Variants in DDX4 observed in about 807,000 individuals in gnomAD.
DDX4 encodes the protein probable ATP-dependent RNA helicase DDX4.
A neutral mutation model predicts 100.0 loss-of-function variants in DDX4; 25 were observed. That is an observed-to-expected ratio of 0.25 (90% CI 0.18 to 0.35). The LOEUF is 0.35. DDX4 is among the 10% of genes least tolerant of loss of function. The pLI, the probability that DDX4 is intolerant of heterozygous loss-of-function variation, is 1.00. For missense variants in DDX4, 635 were observed against 882.4 expected (o/e 0.72, Z 3.55); for synonymous variants, 259 against 275.7 (o/e 0.94, Z 0.60).
chr5:55,785,708 G>A (rs772260720), intron 12 of DDX4, 21 bp from the exon 13 acceptor site: 1 of 1,600,744 alleles, frequency 6.2e-7, no homozygotes, highest in Admixed American at 1.7e-5. Context: ...CGTACATTAT[G>A]TTTTTAATTT....
chr5:55,753,206 A>G (rs1207798162), intron 3 of DDX4, among the ~76,000 whole-genome samples: 1 of 151,888 alleles, frequency 6.6e-6, no homozygotes, highest in Non-Finnish European at 1.5e-5. Flanking sequence ...CCATTTGTCA[A>G]TTTTGTCTTT....
intron 18 of DDX4, among the ~76,000 whole-genome samples, chr5:55,810,262 G>A (rs1365559463): frequency 2.0e-5 from 3 of 152,088 alleles, no homozygotes; most frequent in African/African-American, 7.2e-5. Context: ...CTGCCATCAC[G>A]CCTGGCTAAT....
At chr5:55,796,538 A>G (rs1019692886) in intron 17 of DDX4, among the ~76,000 whole-genome samples, 15 of 152,288 alleles carry the variant, frequency 9.8e-5, no homozygotes, top group Middle Eastern at 3.4e-3. Context: ...AAACCTTCCC[A>G]TATCTTTCCA....
chr5:55,813,812 T>TCTA (rs747018131), intron 19 of DDX4, 40 bp downstream of exon 19: 3 of 1,509,808 alleles, frequency 2.0e-6, no homozygotes, highest in Non-Finnish European at 2.6e-6. Flanking sequence ...GGGAATGACT[T>TCTA]CTATTTGGTA....
At chr5:55,801,347 C>T (rs59246081) in intron 18 of DDX4, among the ~76,000 whole-genome samples, 10,456 of 151,722 alleles carry the variant, frequency 0.069, 558 homozygotes, top group African/African-American at 0.15. Flanking sequence ...AAAGATTGGA[C>T]ACCCCTGGTT....
At chr5:55,783,445 TGGAACAAC>T (rs1283441477) in intron 10 of DDX4, among the ~76,000 whole-genome samples, 200 of 152,186 alleles carry the variant, frequency 1.3e-3, no homozygotes, top group Non-Finnish European at 2.3e-3. Context: ...TACCTAAAAG[TGGAACAAC>T]AGATTACTCG....
In DDX4 at chr5:55,816,778, TTTC is replaced by T. The variant is rs1247102137; in HGVS notation, c.*241_*243del. On this transcript the variant is annotated 3_prime_UTR_variant, in exon 22 of 22. Coordinates refer to ENST00000505374, the MANE Select transcript of DDX4 (RefSeq NM_024415.3). ...GGAATATTAAAGCATTCTAAATGTCTTTCTTATTTCTGGTATATTCTTTAGGGG... is the reference window on the plus strand; with the variant it reads ...GGAATATTAAAGCATTCTAAATGTCTTTATTTCTGGTATATTCTTTAGGGG... 3 of 562,278 alleles carry T rather than the reference TTTC, an allele frequency of 5.3e-6. No individual in the cohort carries two copies. The highest frequency in any genetic ancestry group is 8.2e-6 in the Non-Finnish European group (3 of 364,014). The allele number at this position is 562,278 out of a possible 1,614,324, so 34.8% of individuals were successfully genotyped here. A position where few individuals can be genotyped will look rare whatever the true frequency, so the allele number is the denominator to read the frequency against.
At chr5:55,767,830 G>T in intron 6 of DDX4, 51 bp from the exon 7 acceptor site, 1 of 1,362,338 alleles carries the variant, frequency 7.3e-7, no homozygotes. Context: ...TTTATATATT[G>T]CATCATTTAA....
chr5:55,786,791 A>G, intron 14 of DDX4, 121 bp downstream of exon 14: 1 of 749,504 alleles, frequency 1.3e-6, no homozygotes, highest in Middle Eastern at 2.4e-4. Context: ...TGTCATAAGT[A>G]TTGATGGTTT....
intron 10 of DDX4, among the ~76,000 whole-genome samples, 183 bp from the exon 11 acceptor site, chr5:55,785,114 A>C (rs1321083769): frequency 4.6e-5 from 7 of 152,240 alleles, no homozygotes. Context: ...TCCTCTACGT[A>C]AAATCATCTT....
At chr5:55,762,327 C>T (rs1052180833) in intron 4 of DDX4, among the ~76,000 whole-genome samples, 2 of 151,764 alleles carry the variant, frequency 1.3e-5, no homozygotes, top group Admixed American at 6.6e-5. Flanking sequence ...TCTCTGCTCT[C>T]GAGATTTTTA....
In DDX4 at chr5:55,764,074, A is replaced by G; in HGVS notation, c.334+10A>G. 6.3e-7 allele frequency: 1 copy of G among 1,599,194 alleles called. No individual in the cohort carries two copies. On this transcript the variant is annotated intron_variant, in intron 6 of 21. Transcript: ENST00000505374. ...TCTGGTTTCTGGAGAGGTAAGGTTG[A>G]TATTTTTGTGTTTTAAAATTTAATG...
At chr5:55,759,301 A>T (rs1760146028) in intron 3 of DDX4, among the ~76,000 whole-genome samples, 1 of 151,978 alleles carries the variant, frequency 6.6e-6, no homozygotes, top group Non-Finnish European at 1.5e-5. Flanking sequence ...TGATAAAGTC[A>T]CATTTTTATC....
chr5:55,816,534 G>T lies in DDX4; in HGVS notation c.2169G>T (p.Trp723Cys). ...CCAATCCAGTAGATGATGAGTCATG[G>T]GATTAAAGCCAAAACATCCTTCAAG... Reference protein sequence around the residue: ...QAPNPVDDESWD With the variant: ...QAPNPVDDESCD Residue 723 changes from tryptophan (W) to cysteine (C), a missense_variant, in exon 22 of 22, where the codon TGG (tryptophan) becomes TGT (cysteine). By Grantham distance (215) the Trp-to-Cys change is radical (BLOSUM62 -2). Around this residue, in one of 4 missense-constraint regions of DDX4, gnomAD observed 73 missense variants for 98.5 expected, o/e 0.74. Coordinates refer to ENST00000505374, the MANE Select transcript of DDX4 (RefSeq NM_024415.3). 2 of 1,612,562 alleles carry T rather than the reference G, an allele frequency of 1.2e-6. No homozygotes were observed. The highest frequency in any genetic ancestry group is 1.7e-5 in the Admixed American group (1 of 59,922).
intron 4 of DDX4, among the ~76,000 whole-genome samples, chr5:55,760,986 A>G (rs942920814): frequency 2.0e-5 from 3 of 152,180 alleles, no homozygotes; most frequent in Non-Finnish European, 1.5e-5. Flanking sequence ...TCTTGAATTT[A>G]TGAGATGTTA....
intron 10 of DDX4, among the ~76,000 whole-genome samples, chr5:55,783,838 GT>G (rs147016073): frequency 0.22 from 31,111 of 143,908 alleles, 3,221 homozygotes; most frequent in Middle Eastern, 0.28. Flanking sequence ...AACCAGTAAA[GT>G]TTTTTTTTTT....
In DDX4 at chr5:55,763,190, A is replaced by G. The variant is rs1740673333; in HGVS notation, c.221A>G (p.Asn74Ser). 6.2e-7 allele frequency: 1 copy of G among 1,611,580 alleles called. No homozygotes were observed. Among genetic ancestry groups the G allele is most frequent in the South Asian group, 1.1e-5 (1 of 91,000 alleles). ...CCTTTTTCAGATGCTGGTGAGTGTA[A>G]TAAGCGAGATAATACATCCACAATG... ...NFGNRDAGEC[N>S]KRDNTSTMGG... is the part of the protein sequence containing the mutation. Residue 74 changes from asparagine to serine, a missense_variant, in exon 5 of 22, where the codon AAT becomes AGT. By Grantham distance (46) the Asn-to-Ser change is conservative. Transcript: ENST00000505374.
At chr5:55,800,261 G>A (rs544833847) in intron 18 of DDX4, among the ~76,000 whole-genome samples, 1 of 151,432 alleles carries the variant, frequency 6.6e-6, no homozygotes, top group African/African-American at 2.4e-5. Context: ...TGCTAATGCC[G>A]AAGAGATGAG....
In DDX4 at chr5:55,767,754, T is replaced by C. The variant is rs530007635; in HGVS notation, c.335-127T>C. The C allele has an allele frequency of 1.2e-3, 757 of 634,640 alleles. 15 individuals carry two copies. The South Asian group carries it at 0.02, about 17-fold the overall frequency. The allele number at this position is 634,640 out of a possible 1,614,324, so 39.3% of individuals were successfully genotyped here. ...TCTGTTAAAATTATTTGAAGAAATA[T>C]GTTTATATTTTAACTTATGAAAATA... is the stretch of plus-strand genomic sequence containing the variant. On this transcript the variant is annotated intron_variant, in intron 6 of 21. Transcript: ENST00000505374.
Sources: gnomAD v4.1 joint callset for allele counts (sites outside exome capture counted in the v4.1 genomes callset) on GRCh38, gnomAD v4.1.1 for gene constraint, gnomAD v4.1.1 regional missense constraint, MANE v1.5 for transcripts, NCBI Gene and HGNC (gene_info 2026-07-23, HGNC 2026-07-21) for gene names.